Variants in FER observed in about 807,000 individuals in gnomAD.
The protein encoded by FER is FER tyrosine kinase.
FER carries 63 observed loss-of-function variants against 111.0 expected under a neutral mutation model. That is an observed-to-expected ratio of 0.57 (90% CI 0.46 to 0.70). FER has a LOEUF of 0.70. Among genes scored for constraint, FER ranks in the 30% least tolerant of loss-of-function variants. The pLI, the probability that FER is intolerant of heterozygous loss-of-function variation, is 0.00. For missense variants in FER, 914 were observed against 954.0 expected, an observed-to-expected ratio of 0.96 and a Z score of 0.55; for synonymous variants, 327 against 313.9, an observed-to-expected ratio of 1.04 and a Z score of -0.44.
At chr5:108,823,114 C>T (rs552501317) in intron 3 of FER, among the ~76,000 whole-genome samples, 6 of 152,152 alleles carry the variant, frequency 3.9e-5, no homozygotes, top group Non-Finnish European at 8.8e-5. Context: ...TGATCTGCCC[C>T]CCTTGGCCTC....
At chr5:109,043,105 G>GGTA (rs1378225061) in intron 14 of FER, among the ~76,000 whole-genome samples, 1 of 152,132 alleles carries the variant, frequency 6.6e-6, no homozygotes, top group Non-Finnish European at 1.5e-5. Context: ...GTATTATGGA[G>GGTA]GTAGGGTCTG....
At chr5:109,031,361 T>A (rs1461669630) in intron 13 of FER, among the ~76,000 whole-genome samples, 2 of 152,156 alleles carry the variant, frequency 1.3e-5, no homozygotes, top group African/African-American at 4.8e-5. Flanking sequence ...TATAATACTT[T>A]CCTGTGGAAA....
Position 109,036,496 on chromosome 5 carries a change from A to G in FER, c.1657-926A>G, listed in dbSNP as rs551588123. On this transcript the variant is annotated intron_variant, in intron 13 of 19. Transcript: ENST00000281092. Reference sequence around the variant, plus strand: ...TCTGATTACTTGTTACAACTCATAGATCATCATTACATTTCCATCTGTCTT... The same window carrying G: ...TCTGATTACTTGTTACAACTCATAGGTCATCATTACATTTCCATCTGTCTT... Among the ~76,000 whole-genome samples, 6 of 152,138 alleles carry G rather than the reference A, an allele frequency of 3.9e-5. No individual in the cohort carries two copies. The East Asian group carries it at 1.2e-3, about 29-fold the overall frequency.
chr5:108,764,363 CA>C (rs1230223155), intron 1 of FER, among the ~76,000 whole-genome samples: 1 of 151,836 alleles, frequency 6.6e-6, no homozygotes, highest in Non-Finnish European at 1.5e-5. Flanking sequence ...TCTTTGAAAA[CA>C]ATTTTATTTT....
intron 3 of FER, among the ~76,000 whole-genome samples, chr5:108,823,606 G>C (rs1759132702): frequency 6.6e-6 from 1 of 152,130 alleles, no homozygotes; most frequent in Non-Finnish European, 1.5e-5. Flanking sequence ...CAGGTCCTTT[G>C]CAGATTTTGA....
intron 16 of FER, among the ~76,000 whole-genome samples, chr5:109,084,809 T>C (rs1308401670): frequency 6.6e-6 from 1 of 151,974 alleles, no homozygotes; most frequent in African/African-American, 2.4e-5. Flanking sequence ...ATTTTCCCCA[T>C]ACAGTTATAT....
chr5:108,886,022 T>C (rs1747096774), intron 9 of FER, among the ~76,000 whole-genome samples: 1 of 151,958 alleles, frequency 6.6e-6, no homozygotes, highest in African/African-American at 2.4e-5. Context: ...GTGGTTCTAC[T>C]TTTTATAATT....
chr5:108,985,872 AT>A, intron 13 of FER, among the ~76,000 whole-genome samples: 1 of 152,246 alleles, frequency 6.6e-6, no homozygotes, highest in Non-Finnish European at 1.5e-5. Context: ...TATTTTTGCA[AT>A]TGCAAATTGT....
At chr5:108,873,735 C>T (rs1194534642) in intron 8 of FER, among the ~76,000 whole-genome samples, 1 of 152,154 alleles carries the variant, frequency 6.6e-6, no homozygotes, top group African/African-American at 2.4e-5. Flanking sequence ...AGTCCTTGCC[C>T]TGGGTGATTT....
intron 10 of FER, among the ~76,000 whole-genome samples, chr5:108,913,028 G>A (rs1751769094): frequency 6.6e-6 from 1 of 152,126 alleles, no homozygotes; most frequent in Non-Finnish European, 1.5e-5. Context: ...GGTTGAGCTG[G>A]AAAGAAAATA....
At chr5:108,890,098 C>G (rs566515619) in intron 9 of FER, among the ~76,000 whole-genome samples, 3 of 152,002 alleles carry the variant, frequency 2.0e-5, no homozygotes, top group Non-Finnish European at 4.4e-5. Context: ...AGCCACACTT[C>G]CTTCAGTCCA....
intron 13 of FER, among the ~76,000 whole-genome samples, chr5:109,010,960 A>C (rs1054088969): frequency 2.0e-5 from 3 of 152,220 alleles, no homozygotes; most frequent in Non-Finnish European, 4.4e-5. Flanking sequence ...AGGAACATAC[A>C]TATGGAAAAA....
In FER at chr5:109,069,597, T is replaced by G. The variant is rs540874164; in HGVS notation, c.1924+22399T>G. Among the ~76,000 whole-genome samples the G allele has an allele frequency of 1.4e-4, 22 of 152,144 alleles. No individual in the cohort carries two copies. The South Asian group carries it at 4.2e-3, about 29-fold the overall frequency. On this transcript the variant is annotated intron_variant, in intron 16 of 19. Transcript: ENST00000281092. ...AAGAGTTTAATTTTAATAATTGAGG[T>G]GGGAAATGACTGTGGTATGAAGAGT...
At chr5:109,099,868 G>A (rs928555442) in intron 16 of FER, among the ~76,000 whole-genome samples, 1 of 151,514 alleles carries the variant, frequency 6.6e-6, no homozygotes, top group African/African-American at 2.4e-5. Context: ...CAAAATCATA[G>A]CATTTTTCTT....
intron 5 of FER, among the ~76,000 whole-genome samples, chr5:108,865,338 C>A (rs1488219104): frequency 6.6e-6 from 1 of 152,082 alleles, no homozygotes; most frequent in Non-Finnish European, 1.5e-5. Context: ...TAATTGAATA[C>A]CCTCTATTTC....
chr5:108,928,614 A>G (rs67586696), intron 10 of FER, among the ~76,000 whole-genome samples: 43,293 of 151,762 alleles, frequency 0.29, 6,846 homozygotes, highest in African/African-American at 0.43. Context: ...TGCTTTGGAT[A>G]CTCAGTTTCT....
At chr5:108,955,292 G>A (rs1439473108) in intron 12 of FER, among the ~76,000 whole-genome samples, 1 of 151,488 alleles carries the variant, frequency 6.6e-6, no homozygotes, top group African/African-American at 2.4e-5. Flanking sequence ...TTATACTTTT[G>A]AAATTGGAGC....
chr5:108,826,716 T>C (rs562123820), intron 3 of FER, among the ~76,000 whole-genome samples: 2 of 152,256 alleles, frequency 1.3e-5, no homozygotes, highest in Admixed American at 6.5e-5. Context: ...CACTAATGAA[T>C]CAAACAAAGG....
chr5:109,131,062 A>G (rs1752302428), intron 17 of FER, among the ~76,000 whole-genome samples: 1 of 152,166 alleles, frequency 6.6e-6, no homozygotes, highest in Admixed American at 6.6e-5. Context: ...AAGACACTCA[A>G]TATATGTTTG....
Sources: allele counts gnomAD v4.1 joint callset (sites outside exome capture counted in the v4.1 genomes callset), GRCh38; gene constraint gnomAD v4.1.1; transcripts MANE v1.5; gene names NCBI Gene and HGNC (gene_info 2026-07-23, HGNC 2026-07-21).